SDK2: variants seen among roughly 807,000 people sequenced by gnomAD.
The protein encoded by SDK2 is protein sidekick-2.
In SDK2, 105 loss-of-function variants were observed where a neutral mutation model predicts 253.9. The ratio of observed to expected loss-of-function variants is 0.41; its 90% CI spans 0.35 to 0.49. The LOEUF (loss-of-function observed/expected upper bound fraction) is 0.49, where lower values mean the gene tolerates loss of function less well. Ranked by LOEUF, SDK2 falls within the 20% of genes least tolerant of loss-of-function variation. SDK2 has a pLI of 0.06. For missense variants in SDK2, 2,608 were observed against 3,003.0 expected (o/e 0.87, Z 3.07); for synonymous variants, 1,249 against 1,234.9 (o/e 1.01, Z -0.24).
chr17:73,636,084 T>C (rs1026028452), intron 1 of SDK2, among the ~76,000 whole-genome samples: 1 of 152,198 alleles, frequency 6.6e-6, no homozygotes. Context: ...GGAGAATAGC[T>C]GTCTCTTCTT....
At position 73,435,637 on chromosome 17, in the gene SDK2, C is replaced by A; in HGVS notation, c.1008G>T (p.Pro336=). 1 of 1,560,804 alleles carries A rather than the reference C, an allele frequency of 6.4e-7. No homozygotes were observed. Among genetic ancestry groups the A allele is most frequent in the Non-Finnish European group, 8.7e-7 (1 of 1,152,314 alleles). The part of the protein sequence containing the change: ...VDIPCQAKGV[P]PPSITWYKDA... ...CCTTGTACCAGGTGATGGAGGGCGG[C>A]GGCACACCTGTGGGCAAGACGTGGG... Residue 336 remains proline, a synonymous_variant, in exon 9 of 45, where the codon CCG becomes CCT. Coordinates refer to ENST00000392650, the MANE Select transcript of SDK2 (RefSeq NM_001144952.2). This position sits in a 1 kb window ranked among gnomAD's most constrained non-coding sequence, Gnocchi z 5.7.
intron 28 of SDK2, 43 bp from the exon 29 acceptor site, chr17:73,390,524 G>A: frequency 6.4e-7 from 1 of 1,561,232 alleles, no homozygotes; most frequent in Middle Eastern, 1.7e-4. Context: ...AGCAAGGCAA[G>A]CCGCTCCTAG....
At chr17:73,373,877 T>A (rs1037470814) in intron 36 of SDK2, among the ~76,000 whole-genome samples, 1 of 149,636 alleles carries the variant, frequency 6.7e-6, no homozygotes, top group African/African-American at 2.5e-5. Context: ...CCTCAGGTGA[T>A]CTGCCTACCT....
At chr17:73,387,014 GC>G (rs751872482) in intron 30 of SDK2, among the ~76,000 whole-genome samples, 65 of 152,320 alleles carry the variant, frequency 4.3e-4, no homozygotes, top group African/African-American at 1.5e-3. Context: ...AGGCTGGAGT[GC>G]AGTGGTGCGA....
intron 1 of SDK2, among the ~76,000 whole-genome samples, chr17:73,635,633 A>T (rs1225350393): frequency 6.6e-6 from 1 of 152,100 alleles, no homozygotes; most frequent in Non-Finnish European, 1.5e-5. Context: ...TTCCGTTAGG[A>T]CTGTCACATC....
intron 1 of SDK2, among the ~76,000 whole-genome samples, chr17:73,588,589 C>A (rs76012201): frequency 6.6e-6 from 1 of 151,460 alleles, no homozygotes; most frequent in African/African-American, 2.4e-5. Context: ...CTTTGCCCCC[C>A]AGGGGACATC....
At chr17:73,544,050 G>A (rs1249310218) in intron 1 of SDK2, among the ~76,000 whole-genome samples, 1 of 152,216 alleles carries the variant, frequency 6.6e-6, no homozygotes, top group Non-Finnish European at 1.5e-5. Flanking sequence ...CAGCATGTTT[G>A]GGACACAGGA....
At chr17:73,537,593 G>C (rs2044798647) in intron 1 of SDK2, among the ~76,000 whole-genome samples, 1 of 152,030 alleles carries the variant, frequency 6.6e-6, no homozygotes, top group East Asian at 1.9e-4. Flanking sequence ...GAGAGGGGGA[G>C]GTTTGGGGGG....
intron 2 of SDK2, among the ~76,000 whole-genome samples, chr17:73,476,678 C>T (rs564945600): frequency 1.3e-5 from 2 of 152,106 alleles, no homozygotes; most frequent in African/African-American, 4.8e-5. Flanking sequence ...AGGGCAATGG[C>T]GAGATCCTAG....
At chr17:73,464,911 T>A (rs1453727962) in intron 3 of SDK2, among the ~76,000 whole-genome samples, 1 of 152,222 alleles carries the variant, frequency 6.6e-6, no homozygotes, top group Non-Finnish European at 1.5e-5. Flanking sequence ...TTTGTTTCTC[T>A]TGCTACTTTC....
chr17:73,510,873 G>T (rs994671722), intron 1 of SDK2, among the ~76,000 whole-genome samples: 1 of 152,176 alleles, frequency 6.6e-6, no homozygotes, highest in Non-Finnish European at 1.5e-5. Flanking sequence ...TCAGGTGAAC[G>T]CAGCGTCTTA....
intron 1 of SDK2, among the ~76,000 whole-genome samples, chr17:73,575,796 G>A (rs750771898): frequency 6.6e-6 from 1 of 152,254 alleles, no homozygotes; most frequent in Non-Finnish European, 1.5e-5. Flanking sequence ...CAACGGCAAC[G>A]CAGCAGCGCT....
chr17:73,452,036 C>T (rs141726373), intron 4 of SDK2, among the ~76,000 whole-genome samples: 6 of 152,134 alleles, frequency 3.9e-5, no homozygotes, highest in African/African-American at 1.4e-4. Flanking sequence ...CCCTTCCCCC[C>T]ACTGCTCCTG....
intron 1 of SDK2, among the ~76,000 whole-genome samples, chr17:73,548,714 C>A (rs1887795018): frequency 6.6e-6 from 1 of 151,920 alleles, no homozygotes; most frequent in Non-Finnish European, 1.5e-5. Context: ...TGGGCACTGC[C>A]CAGTCCTTGC....
chr17:73,566,317 A>ATGTGTGTGTGTGTGTGTGTGTGTGTGTG (rs763921480), intron 1 of SDK2, among the ~76,000 whole-genome samples: 1 of 143,914 alleles, frequency 6.9e-6, no homozygotes, highest in African/African-American at 2.7e-5. Context: ...TCTTATATAT[A>ATGTGTGTGTGTGTGTGTGTGTGTGTGTG]TATGTGTGTG....
chr17:73,618,970 T>G lies in SDK2; in HGVS notation c.64+25055A>C, dbSNP rs2046094019. ...TCACTTGAGGTCAGGAGTTTGAGACTGGCCTGGACAACATGGCGAAACCTC... is the reference window on the plus strand; with the variant it reads ...TCACTTGAGGTCAGGAGTTTGAGACGGGCCTGGACAACATGGCGAAACCTC... On this transcript the variant is annotated intron_variant, in intron 1 of 44. Coordinates refer to ENST00000392650, the MANE Select transcript of SDK2 (RefSeq NM_001144952.2). This position sits in a 1 kb window ranked among gnomAD's most constrained non-coding sequence, Gnocchi z 4.1. Among the ~76,000 whole-genome samples the G allele has an allele frequency of 1.3e-5, 2 of 152,096 alleles. No individual in the cohort carries two copies. The highest frequency in any genetic ancestry group is 4.8e-5 in the African/African-American group (2 of 41,420).
At position 73,433,725 on chromosome 17, in the gene SDK2, C is replaced by T. The variant is rs748268818; in HGVS notation, c.1312+7G>A. Reference sequence around the variant, plus strand: ...AGCCACACTCTCTGAAGGTGTGTTCCATCTACCTTTCTGCCAAGTGATAGC... The same window carrying T: ...AGCCACACTCTCTGAAGGTGTGTTCTATCTACCTTTCTGCCAAGTGATAGC... On this transcript the variant is annotated splice_region_variant and intron_variant, in intron 10 of 44. Transcript: ENST00000392650. 1.9e-6 allele frequency: 3 copies of T among 1,575,604 alleles called. No homozygotes were observed. In the East Asian group the frequency reaches 6.9e-5, roughly 36 times the overall value.
Position 73,338,735 on chromosome 17 carries a change from C to T in SDK2, c.6371G>A (p.Gly2124Asp), listed in dbSNP as rs749636403. ...ACTGGCCTTGGGCCGAAAGAGGCTG[C>T]CCTGCTGGGTGCTGGTGCTGTTGGT... ...TVTNSTSTQQGSLFRPKASRT... is the reference protein window; with the variant it reads ...TVTNSTSTQQDSLFRPKASRT... Residue 2124 changes from glycine (G) to aspartate (D), a missense_variant, in exon 45 of 45, where the codon GGC becomes GAC. Physicochemically the swap from Gly to Asp is moderately conservative, Grantham distance 94. Transcript: ENST00000392650. The surrounding 1 kb of genome is among the most constrained non-coding windows in gnomAD (Gnocchi z 5.0). 1.2e-6 allele frequency: 2 copies of T among 1,613,060 alleles called. No homozygotes were observed. The highest frequency in any genetic ancestry group is 1.7e-6 in the Non-Finnish European group (2 of 1,179,612).
intron 30 of SDK2, 123 bp downstream of exon 30, chr17:73,387,713 G>A: frequency 1.2e-6 from 1 of 850,830 alleles, no homozygotes; most frequent in Non-Finnish European, 1.8e-6. Flanking sequence ...GGTGGTGCAT[G>A]TAGGAGGAGA....
Sources: gnomAD v4.1 joint callset for allele counts (sites outside exome capture counted in the v4.1 genomes callset) on GRCh38, gnomAD v4.1.1 for gene constraint, Gnocchi (gnomAD v3.1) non-coding constraint, MANE v1.5 for transcripts, NCBI Gene and HGNC (gene_info 2026-07-23, HGNC 2026-07-21) for gene names.